COL27A1: variants seen among roughly 807,000 people sequenced by gnomAD.
COL27A1 encodes collagen type XXVII alpha 1 chain.
COL27A1 carries 106 observed loss-of-function variants against 251.3 expected under a neutral mutation model. The ratio of observed to expected loss-of-function variants is 0.42; its 90% CI spans 0.36 to 0.50. The LOEUF is 0.50. Ranked by LOEUF, COL27A1 falls within the 20% of genes least tolerant of loss-of-function variation. The probability of loss-of-function intolerance (pLI) is 0.00; values close to 1 mark genes in which losing one functional copy is unlikely to be tolerated. For missense variants in COL27A1, 2,325 were observed against 2,522.8 expected, an observed-to-expected ratio of 0.92 and a Z score of 1.68; for synonymous variants, 1,000 against 986.3, an observed-to-expected ratio of 1.01 and a Z score of -0.26.
chr9:114,310,527 G>A, intron 60 of COL27A1, 22 bp from the exon 61 acceptor site: 1 of 1,614,002 alleles, frequency 6.2e-7, no homozygotes, highest in Non-Finnish European at 8.5e-7. Flanking sequence ...ATGTACGTGT[G>A]CACTTTTCCT....
chr9:114,289,816 C>G (rs1170341689), intron 45 of COL27A1, among the ~76,000 whole-genome samples: 1 of 152,108 alleles, frequency 6.6e-6, no homozygotes, highest in South Asian at 2.1e-4. Flanking sequence ...GCCTCTGGCT[C>G]CTCCCAGAAA....
At chr9:114,253,168 G>A (rs563438770) in intron 27 of COL27A1, among the ~76,000 whole-genome samples, 69 of 152,318 alleles carry the variant, frequency 4.5e-4, no homozygotes, top group Non-Finnish European at 8.1e-4. Context: ...GCTGAGGCAT[G>A]AGAATCGCTT....
intron 50 of COL27A1, 68 bp downstream of exon 50, chr9:114,300,191 A>C (rs1323758247): frequency 6.8e-7 from 1 of 1,474,788 alleles, no homozygotes; most frequent in East Asian, 2.3e-5. Flanking sequence ...TCATTTATTC[A>C]TTCAACAAAT....
At chr9:114,307,646 C>A in intron 58 of COL27A1, 23 bp from the exon 59 acceptor site, 1 of 1,532,962 alleles carries the variant, frequency 6.5e-7, no homozygotes, top group Non-Finnish European at 9.0e-7. Context: ...ACATACATCA[C>A]CTCCATCCCA....
At chr9:114,250,280 C>G (rs544023478) in intron 24 of COL27A1, among the ~76,000 whole-genome samples, 1 of 152,244 alleles carries the variant, frequency 6.6e-6, no homozygotes, top group Non-Finnish European at 1.5e-5. Context: ...ATGGCCTCTT[C>G]CCAGCTCAGC....
At position 114,155,786 on chromosome 9, in the gene COL27A1, C is replaced by T; in HGVS notation, c.-165C>T. 2 of 382,570 alleles carry T rather than the reference C, an allele frequency of 5.2e-6. No homozygotes were observed. The highest frequency in any genetic ancestry group is 1.0e-4 in the South Asian group (1 of 9,564). The allele number at this position is 382,570 out of a possible 1,614,324, so 23.7% of individuals were successfully genotyped here. On this transcript the variant is annotated 5_prime_UTR_variant, in exon 1 of 61. Coordinates refer to ENST00000356083, the MANE Select transcript of COL27A1 (RefSeq NM_032888.4). This position sits in a 1 kb window ranked among gnomAD's most constrained non-coding sequence, Gnocchi z 5.5. ...GCGCGGGCGCCCGCGGGGCCCCAGC[C>T]GCGCTGCCTGCCTGCTCGGGCGCCC... is the stretch of plus-strand genomic sequence containing the variant.
intron 5 of COL27A1, among the ~76,000 whole-genome samples, chr9:114,192,084 AC>A (rs1828789356): frequency 6.6e-6 from 1 of 152,240 alleles, no homozygotes; most frequent in Admixed American, 6.5e-5. Context: ...CATCTTGAGC[AC>A]TGTGCTGGCT....
chr9:114,197,832 C>G lies in COL27A1; in HGVS notation c.2124+1820C>G, dbSNP rs143105306. Among the ~76,000 whole-genome samples, 829 of 152,338 alleles carry G rather than the reference C, an allele frequency of 5.4e-3. 6 individuals carry two copies. The highest frequency in any genetic ancestry group is 0.019 in the African/African-American group (788 of 41,580). ...GGCCTAGACATGCACAGAAGAGTTTCGTCTGTGGCAGGCTGGCGTCACCCA... is the reference window on the plus strand; with the variant it reads ...GGCCTAGACATGCACAGAAGAGTTTGGTCTGTGGCAGGCTGGCGTCACCCA... On this transcript the variant is annotated intron_variant, in intron 7 of 60. Coordinates refer to ENST00000356083, the MANE Select transcript of COL27A1 (RefSeq NM_032888.4).
rs749561003 is a variant in COL27A1 at position 114,210,935 on chromosome 9, C to T, written c.2323-47C>T. The T allele has an allele frequency of 8.1e-6, 13 of 1,607,550 alleles. 1 individual carries two copies. The Middle Eastern group carries it at 5.0e-4, about 61-fold the overall frequency. Reference sequence around the variant, plus strand: ...GCTGGTTTGGGGCAAGCCTGGCTGTCCCTGCTGGCATCCTGCCCTGACCTC... The same window carrying T: ...GCTGGTTTGGGGCAAGCCTGGCTGTTCCTGCTGGCATCCTGCCCTGACCTC... On this transcript the variant is annotated intron_variant, in intron 11 of 60. Transcript: ENST00000356083.
intron 14 of COL27A1, among the ~76,000 whole-genome samples, chr9:114,229,901 G>T (rs1023308860): frequency 6.6e-6 from 1 of 152,156 alleles, no homozygotes; most frequent in Admixed American, 6.5e-5. Context: ...CGTGGCGGGG[G>T]CTGTTCTGTG....
In COL27A1 at chr9:114,269,282, C is replaced by T; in HGVS notation, c.3543C>T (p.Leu1181=). The T allele has an allele frequency of 6.2e-7, 1 of 1,608,410 alleles. No individual in the cohort carries two copies. The highest frequency in any genetic ancestry group is 8.5e-7 in the Non-Finnish European group (1 of 1,176,928). Reference sequence around the variant, plus strand: ...TGGGCACTCCTGGGGAGCAGGGCCTCATTGGGCAACGGGTAAGTTGAAGCA... The same window carrying T: ...TGGGCACTCCTGGGGAGCAGGGCCTTATTGGGCAACGGGTAAGTTGAAGCA... The part of the protein sequence containing the change: ...GPLGTPGEQG[L]IGQRGEPGLE... Residue 1181 remains leucine (L), a synonymous_variant, in exon 35 of 61, where the codon CTC becomes CTT. Transcript: ENST00000356083.
intron 37 of COL27A1, among the ~76,000 whole-genome samples, chr9:114,279,760 G>A (rs947447596): frequency 2.0e-5 from 3 of 152,138 alleles, no homozygotes; most frequent in African/African-American, 7.2e-5. Flanking sequence ...GGCTGAGGTG[G>A]GAGGATCACT....
At chr9:114,205,182 C>T in intron 8 of COL27A1, 36 bp downstream of exon 8, 3 of 1,594,366 alleles carry the variant, frequency 1.9e-6, no homozygotes, top group South Asian at 1.1e-5. Context: ...CCTGGTCGCT[C>T]TCCCTCCTCC....
At chr9:114,202,936 GATTTT>G (rs985539285) in intron 7 of COL27A1, among the ~76,000 whole-genome samples, 18 of 152,090 alleles carry the variant, frequency 1.2e-4, no homozygotes, top group African/African-American at 2.4e-4. Flanking sequence ...TTTCTGAAAA[GATTTT>G]ATTTTAATTG....
intron 2 of COL27A1, among the ~76,000 whole-genome samples, chr9:114,165,936 A>G (rs1299512488): frequency 1.4e-5 from 2 of 145,336 alleles, no homozygotes; most frequent in Non-Finnish European, 3.0e-5. Context: ...CCAGCCAGCC[A>G]TCATCCATCC....
chr9:114,246,524 C>T (rs1833140886), intron 24 of COL27A1, among the ~76,000 whole-genome samples: 1 of 152,202 alleles, frequency 6.6e-6, no homozygotes, highest in African/African-American at 2.4e-5. Flanking sequence ...AGCCCTGGGG[C>T]CTCCTGAAAG....
intron 1 of COL27A1, among the ~76,000 whole-genome samples, chr9:114,161,901 G>A (rs730619): frequency 0.2 from 30,762 of 152,106 alleles, 3,469 homozygotes; most frequent in Middle Eastern, 0.34. Flanking sequence ...TATTTTTGTG[G>A]CTGGCAGCAG....
rs1320994477 is a variant in COL27A1 at position 114,168,675 on chromosome 9, G to T, written c.1120G>T (p.Ala374Ser). Residue 374 changes from alanine (A) to serine (S), a missense_variant, in exon 3 of 61, where the codon GCC becomes TCC. Transcript: ENST00000356083. ...IPKSLPTKPS[A>S]PSTSIVPIKS... ...CAAAAGCCTCCCTACCAAGCCTTCG[G>T]CCCCTTCTACTTCAATTGTGCCCAT... 9 of 1,614,066 alleles carry T rather than the reference G, an allele frequency of 5.6e-6. No individual in the cohort carries two copies. Among genetic ancestry groups the T allele is most frequent in the Middle Eastern group, 1.6e-4 (1 of 6,062 alleles).
At chr9:114,207,525 G>A (rs935591254) in intron 10 of COL27A1, among the ~76,000 whole-genome samples, 11 of 152,324 alleles carry the variant, frequency 7.2e-5, no homozygotes, top group South Asian at 2.1e-4. Flanking sequence ...GACATCTGGG[G>A]TTGCTCGACT....
Sources: allele counts gnomAD v4.1 joint callset (sites outside exome capture counted in the v4.1 genomes callset), GRCh38; gene constraint gnomAD v4.1.1; non-coding constraint Gnocchi (gnomAD v3.1); transcripts MANE v1.5; gene names NCBI Gene and HGNC (gene_info 2026-07-23, HGNC 2026-07-21).